The following PLA2R1 variants were observed in gnomAD, a reference collection of about 807,000 sequenced individuals.
PLA2R1 encodes the protein secretory phospholipase A2 receptor.
A neutral mutation model predicts 195.9 loss-of-function variants in PLA2R1; 158 were observed. The ratio of observed to expected loss-of-function variants is 0.81; its 90% CI spans 0.71 to 0.92. The LOEUF (loss-of-function observed/expected upper bound fraction) is 0.92, where lower values mean the gene tolerates loss of function less well. Among genes scored for constraint, PLA2R1 ranks in the 40% least tolerant of loss-of-function variants. The probability of loss-of-function intolerance (pLI) is 0.00; values close to 1 mark genes in which losing one functional copy is unlikely to be tolerated. For synonymous variants in PLA2R1, 586 were observed against 598.2 expected (o/e 0.98, Z 0.30); for missense variants, 1,626 against 1,764.6 (o/e 0.92, Z 1.41).
intron 3 of PLA2R1, among the ~76,000 whole-genome samples, chr2:160,039,792 A>G (rs1223762329): frequency 1.3e-5 from 2 of 152,024 alleles, no homozygotes; most frequent in Non-Finnish European, 2.9e-5. Context: ...TGTCAAGCAG[A>G]GGAAGCTTCT....
chr2:160,049,500 T>C (rs1427583315), intron 1 of PLA2R1, among the ~76,000 whole-genome samples: 1 of 152,198 alleles, frequency 6.6e-6, no homozygotes, highest in Non-Finnish European at 1.5e-5. Context: ...TCTGGAATCA[T>C]GGGAATTTGC....
At chr2:159,996,890 A>G (rs1691251000) in intron 11 of PLA2R1, among the ~76,000 whole-genome samples, 2 of 151,794 alleles carry the variant, frequency 1.3e-5, no homozygotes, top group African/African-American at 4.8e-5. Context: ...TTTTTTTCTT[A>G]GACTCTCCAC....
Position 159,979,911 on chromosome 2 carries a change from T to C in PLA2R1, c.2187A>G (p.Thr729=). Residue 729 remains threonine (T), a synonymous_variant, in exon 14 of 30, where the codon ACA becomes ACG. Coordinates refer to ENST00000283243, the MANE Select transcript of PLA2R1 (RefSeq NM_007366.5). ...ATCCAATCCAGAACTGCCTTTCTTC[T>C]GTCCTGTAAAGAGAAGAAACAAAAG... ...NELLHSKFNW[T]EERQFWIGFN... is the part of the protein sequence containing the mutation. 1 of 1,588,922 alleles carries C rather than the reference T, an allele frequency of 6.3e-7. No homozygotes were observed. Among genetic ancestry groups the C allele is most frequent in the Non-Finnish European group, 8.6e-7 (1 of 1,158,610 alleles).
chr2:160,048,828 T>C (rs1026156077), intron 1 of PLA2R1, among the ~76,000 whole-genome samples: 8 of 151,546 alleles, frequency 5.3e-5, no homozygotes, highest in Admixed American at 5.3e-4. Context: ...ATTCATTTAT[T>C]AGAAGAAACA....
chr2:159,924,032 G>A, the PLA2R1 span, among the ~76,000 whole-genome samples: 1 of 151,884 alleles, frequency 6.6e-6, no homozygotes, highest in African/African-American at 2.4e-5. Context: ...GCAGGGCTGC[G>A]CTCTCTCTGG....
chr2:160,042,174 G>A lies in PLA2R1; in HGVS notation c.518C>T (p.Thr173Ile). Residue 173 changes from threonine (T) to isoleucine (I), a missense_variant, in exon 3 of 30, where the codon ACC (threonine) becomes ATC (isoleucine). By Grantham distance (89) the Thr-to-Ile change is moderately conservative. Coordinates refer to ENST00000283243, the MANE Select transcript of PLA2R1 (RefSeq NM_007366.5). Reference sequence around the variant, plus strand: ...GGGAAACATACACGGCATCCCGTGGGTGTTCCCTTTGATTGTATGCAAATC... The same window carrying A: ...GGGAAACATACACGGCATCCCGTGGATGTTCCCTTTGATTGTATGCAAATC... Reference protein sequence around the residue: ...HKDLHTIKGNTHGMPCMFPFQ... With the variant: ...HKDLHTIKGNIHGMPCMFPFQ... 3.1e-6 allele frequency: 5 copies of A among 1,613,824 alleles called. No homozygotes were observed. Among genetic ancestry groups the A allele is most frequent in the Non-Finnish European group, 3.4e-6 (4 of 1,179,720 alleles).
At chr2:159,931,714 T>G (rs918140414), downstream of PLA2R1, among the ~76,000 whole-genome samples, 9 of 152,156 alleles carry the variant, frequency 5.9e-5, no homozygotes, top group East Asian at 1.7e-3. Flanking sequence ...TTTTTTGTAT[T>G]TTTTTCAGAG....
At chr2:160,048,543 A>G (rs1339218826) in intron 1 of PLA2R1, among the ~76,000 whole-genome samples, 3 of 152,246 alleles carry the variant, frequency 2.0e-5, no homozygotes, top group Non-Finnish European at 4.4e-5. Flanking sequence ...ATAGGTATCA[A>G]TATTCTGATT....
chr2:159,960,988 T>C (rs1440504688), intron 20 of PLA2R1, among the ~76,000 whole-genome samples: 1 of 152,234 alleles, frequency 6.6e-6, no homozygotes, highest in African/African-American at 2.4e-5. Flanking sequence ...TGTAGCTTTA[T>C]TTGTTAATAG....
chr2:159,970,495 A>G (rs919244987), intron 17 of PLA2R1, among the ~76,000 whole-genome samples: 11 of 152,220 alleles, frequency 7.2e-5, no homozygotes, highest in Non-Finnish European at 1.3e-4. Context: ...TTTAAAAAGT[A>G]ATATTAGAAA....
intron 11 of PLA2R1, among the ~76,000 whole-genome samples, chr2:159,992,322 G>A (rs997798285): frequency 5.3e-5 from 8 of 151,840 alleles, no homozygotes; most frequent in Non-Finnish European, 8.8e-5. Context: ...AAAGTCTCAG[G>A]ATACAAAATC....
chr2:160,055,915 G>A (rs1356611855), intron 1 of PLA2R1, among the ~76,000 whole-genome samples: 1 of 152,108 alleles, frequency 6.6e-6, no homozygotes, highest in Non-Finnish European at 1.5e-5. Context: ...CCCCACTGCC[G>A]CCTCCAGGTA....
chr2:160,012,110 C>T (rs1314525631), intron 10 of PLA2R1, among the ~76,000 whole-genome samples: 1 of 152,176 alleles, frequency 6.6e-6, no homozygotes, highest in Non-Finnish European at 1.5e-5. Context: ...AGAAATCATA[C>T]AGGAATTCCT....
At chr2:159,972,451 T>C (rs1689254721) in intron 17 of PLA2R1, among the ~76,000 whole-genome samples, 1 of 152,236 alleles carries the variant, frequency 6.6e-6, no homozygotes, top group Admixed American at 6.5e-5. Flanking sequence ...ACAGCCATTA[T>C]AGTTAGCATC....
rs1390877136 is a variant in PLA2R1 at position 159,955,754 on chromosome 2, A to G, written c.3097T>C (p.Trp1033Arg). Reference sequence around the variant, plus strand: ...TATACCACAGGCTTTCCATTTAGCCATGTTTCATAATCATCATTTTGTAAA... The same window carrying G: ...TATACCACAGGCTTTCCATTTAGCCGTGTTTCATAATCATCATTTTGTAAA... Reference protein sequence around the residue: ...IGLQNDDYETWLNGKPVVYSN... With the variant: ...IGLQNDDYETRLNGKPVVYSN... Residue 1033 changes from tryptophan to arginine, a missense_variant, in exon 22 of 30, where the codon TGG becomes CGG. Coordinates refer to ENST00000283243, the MANE Select transcript of PLA2R1 (RefSeq NM_007366.5). 6.3e-7 allele frequency: 1 copy of G among 1,582,754 alleles called. No individual in the cohort carries two copies. The highest frequency in any genetic ancestry group is 8.7e-7 in the Non-Finnish European group (1 of 1,154,774).
intron 10 of PLA2R1, 79 bp downstream of exon 10, chr2:160,013,184 T>G: frequency 1.5e-6 from 1 of 665,078 alleles, no homozygotes; most frequent in Non-Finnish European, 2.7e-6. Flanking sequence ...TGAACAGTTA[T>G]GATTGTAGCT....
At chr2:160,042,279 T>G in intron 2 of PLA2R1, 81 bp from the exon 3 acceptor site, 2 of 1,222,000 alleles carry the variant, frequency 1.6e-6, no homozygotes, top group Non-Finnish European at 2.4e-6. Context: ...GAAAGCATTT[T>G]TTATGGACTG....
At chr2:159,977,483 G>T in intron 14 of PLA2R1, 67 bp from the exon 15 acceptor site, 12 of 1,446,904 alleles carry the variant, frequency 8.3e-6, no homozygotes, top group Non-Finnish European at 1.2e-5. Context: ...AGATCAAAAA[G>T]GGCATCCCTG....
At position 159,987,304 on chromosome 2, in the gene PLA2R1, T is replaced by G; in HGVS notation, c.1889A>C (p.Glu630Ala). 1 of 1,612,614 alleles carries G rather than the reference T, an allele frequency of 6.2e-7. No homozygotes were observed. Among genetic ancestry groups the G allele is most frequent in the Non-Finnish European group, 8.5e-7 (1 of 1,179,944 alleles). The change falls in exon 12 of 30, where the codon GAA (glutamate) becomes GCA (alanine). Residue 630 changes from glutamate (E) to alanine (A), a missense_variant. Physicochemically the swap from Glu to Ala is moderately radical, Grantham distance 107. Coordinates refer to ENST00000283243, the MANE Select transcript of PLA2R1 (RefSeq NM_007366.5). ...CTTAAAGTGCCGACAGTGCTTCACT[T>G]CCCAGCGACCAAGTGGATGCCTTCC... is the stretch of plus-strand genomic sequence containing the variant. Reference protein sequence around the residue: ...MRGRHPLGRWEVKHCRHFKAM... With the variant: ...MRGRHPLGRWAVKHCRHFKAM...
Sources: gnomAD v4.1 joint callset for allele counts (sites outside exome capture counted in the v4.1 genomes callset) on GRCh38, gnomAD v4.1.1 for gene constraint, MANE v1.5 for transcripts, NCBI Gene and HGNC (gene_info 2026-07-23, HGNC 2026-07-21) for gene names.